The following CREBBP variants were observed in gnomAD, a reference collection of about 807,000 sequenced individuals.
CREBBP encodes the protein CREB-binding protein.
A neutral mutation model predicts 265.0 loss-of-function variants in CREBBP; 19 were observed. That is an observed-to-expected ratio of 0.07 (90% confidence interval 0.05 to 0.11). The LOEUF is 0.11. CREBBP is among the 10% of genes least tolerant of loss of function. The pLI is 1.00. For missense variants in CREBBP, 2,525 were observed against 3,219.0 expected (o/e 0.78, Z 5.22); for synonymous variants, 1,457 against 1,223.7 (o/e 1.19, Z -3.98).
intron 2 of CREBBP, among the ~76,000 whole-genome samples, chr16:3,838,756 C>T (rs1166416246): frequency 6.6e-6 from 1 of 152,062 alleles, no homozygotes; most frequent in Non-Finnish European, 1.5e-5. Flanking sequence ...GATCTGTTGC[C>T]CGGGCTGGTG....
chr16:3,818,032 C>T (rs1182205236), intron 2 of CREBBP, among the ~76,000 whole-genome samples: 1 of 152,164 alleles, frequency 6.6e-6, no homozygotes, highest in Non-Finnish European at 1.5e-5. Flanking sequence ...CTTCCAGAGA[C>T]ATCAACCACT....
At chr16:3,812,389 A>G (rs904780611) in intron 2 of CREBBP, among the ~76,000 whole-genome samples, 8 of 151,704 alleles carry the variant, frequency 5.3e-5, no homozygotes, top group East Asian at 3.9e-4. Flanking sequence ...ATGTTGGCCA[A>G]GCTGGTCTTG....
rs2151319358 is a variant in CREBBP at position 3,731,865 on chromosome 16, T to C, written c.4801A>G (p.Ser1601Gly). 1 of 1,614,264 alleles carries C rather than the reference T, an allele frequency of 6.2e-7. No homozygotes were observed. Among genetic ancestry groups the C allele is most frequent in the Non-Finnish European group, 8.5e-7 (1 of 1,180,046 alleles). Residue 1601 changes from serine (S) to glycine (G), a missense_variant, in exon 29 of 31, where the codon AGC becomes GGC. Around this residue, in one of 19 missense-constraint regions of CREBBP, gnomAD observed 93 missense variants for 161.5 expected, o/e 0.58. Transcript: ENST00000262367. The surrounding 1 kb of genome is among the most constrained non-coding windows in gnomAD (Gnocchi z 7.7). ...CTGGGCTTCTTCTTGTTGGCGCGGC[T>C]GATGCTGCTTTTGTTCTTGTTGGTT... ...KKTNKNKSSI[S>G]RANKKKPSMP... is the part of the protein sequence containing the mutation.
rs1010907824 is a variant in CREBBP, at chr16:3,744,834, C to T, written c.3982+60G>A. 7 of 1,296,032 alleles carry T rather than the reference C, an allele frequency of 5.4e-6. No homozygotes were observed. The African/African-American group carries it at 5.8e-5, about 11-fold the overall frequency. The allele number at this position is 1,296,032 out of a possible 1,614,324, so 80.3% of individuals were successfully genotyped here. ...GAGAGGAACCAAAGAACAATGGGGA[C>T]AATTTCTACAAGTTTCTAAAATGTG... is the stretch of plus-strand genomic sequence containing the variant. On this transcript the variant is annotated intron_variant, in intron 23 of 30. Coordinates refer to ENST00000262367, the MANE Select transcript of CREBBP (RefSeq NM_004380.3).
In CREBBP at chr16:3,726,142, G is replaced by A. The variant is rs562939791; in HGVS notation, c.*1576C>T. On this transcript the variant is annotated 3_prime_UTR_variant, in exon 31 of 31. Coordinates refer to ENST00000262367, the MANE Select transcript of CREBBP (RefSeq NM_004380.3). ...CTCAGCATTTCCTCAAACGCCACAC[G>A]GGACATGCTGCGCGGCAGCGGCAGG... 42 of 233,146 alleles carry A rather than the reference G, an allele frequency of 1.8e-4. No individual in the cohort carries two copies. The highest frequency in any genetic ancestry group is 1.4e-4 in the Non-Finnish European group (16 of 118,024). 14.4% of individuals were successfully genotyped at this position (233,146 alleles called of 1,614,324 possible). A position where few individuals can be genotyped will look rare whatever the true frequency, so the allele number is the denominator to read the frequency against.
chr16:3,782,588 C>A, intron 6 of CREBBP, 96 bp downstream of exon 6: 1 of 1,513,120 alleles, frequency 6.6e-7, no homozygotes. Flanking sequence ...TAGTAAAAAA[C>A]ACAAAACAAA....
chr16:3,852,890 A>G (rs1241451345), intron 1 of CREBBP, among the ~76,000 whole-genome samples: 2 of 151,970 alleles, frequency 1.3e-5, no homozygotes, highest in Non-Finnish European at 2.9e-5. Flanking sequence ...TCTAACCCAC[A>G]ACGGCCAGGC....
At chr16:3,820,042 A>C (rs989107559) in intron 2 of CREBBP, among the ~76,000 whole-genome samples, 13 of 152,330 alleles carry the variant, frequency 8.5e-5, no homozygotes, top group African/African-American at 2.9e-4. Context: ...GGTGTAAAAA[A>C]ACAACACAGT....
At chr16:3,761,797 T>C (rs2052725457) in intron 16 of CREBBP, among the ~76,000 whole-genome samples, 1 of 152,260 alleles carries the variant, frequency 6.6e-6, no homozygotes, top group African/African-American at 2.4e-5. Context: ...TACTAACTCC[T>C]TTCTTCTGTT....
In CREBBP at chr16:3,782,809, C is replaced by T. The variant is rs2053303819; in HGVS notation, c.1448G>A (p.Arg483Gln). 1 of 1,614,086 alleles carries T rather than the reference C, an allele frequency of 6.2e-7. No homozygotes were observed. The highest frequency in any genetic ancestry group is 1.3e-5 in the African/African-American group (1 of 75,020). ...GGGGAGTCCGAGAGCAGCATAGGCT[C>T]GCTGCATGGAGCTGGGGTCTATGGG... Reference protein sequence around the residue: ...PNPIDPSSMQRAYAALGLPYM... With the variant: ...PNPIDPSSMQQAYAALGLPYM... The change falls in exon 6 of 31, where the codon CGA (arginine) becomes CAA (glutamine). Residue 483 changes from arginine to glutamine, a missense_variant. This residue lies in a region of CREBBP where 48 missense variants were observed against 70.2 expected (regional missense o/e 0.68). Transcript: ENST00000262367.
At chr16:3,770,542 CA>C in intron 14 of CREBBP, 27 bp downstream of exon 14, 3 of 1,609,624 alleles carry the variant, frequency 1.9e-6, no homozygotes. Flanking sequence ...AGTCTTGGCC[CA>C]AAAACAGCAG....
At chr16:3,783,342 C>A (rs1203684183) in intron 5 of CREBBP, among the ~76,000 whole-genome samples, 1 of 152,192 alleles carries the variant, frequency 6.6e-6, no homozygotes, top group East Asian at 1.9e-4. Context: ...TCCTGTTGAC[C>A]CCAACCCTGT....
At chr16:3,862,723 C>T (rs1232219265) in intron 1 of CREBBP, among the ~76,000 whole-genome samples, 1 of 152,058 alleles carries the variant, frequency 6.6e-6, no homozygotes, top group African/African-American at 2.4e-5. Flanking sequence ...TCGTACCTAC[C>T]GAGGGGCTCC....
chr16:3,796,303 C>T (rs1258673013), intron 3 of CREBBP, among the ~76,000 whole-genome samples: 1 of 152,008 alleles, frequency 6.6e-6, no homozygotes, highest in Non-Finnish European at 1.5e-5. Context: ...CCCAGGCTGG[C>T]CTCCTGGGCT....
rs1039371162 is a variant in CREBBP at position 3,780,867 on chromosome 16, T to C, written c.1688A>G (p.Asn563Ser). 1 of 1,613,522 alleles carries C rather than the reference T, an allele frequency of 6.2e-7. No homozygotes were observed. Among genetic ancestry groups the C allele is most frequent in the Non-Finnish European group, 8.5e-7 (1 of 1,180,024 alleles). ...TSLGATNPLMNDGSNSGNIGT... is the reference protein window; with the variant it reads ...TSLGATNPLMSDGSNSGNIGT... ...AATGTTACCAGAGTTGGAGCCATCG[T>C]TCATCAGTGGGCTAAGGAGGAAATA... Residue 563 changes from asparagine to serine, a missense_variant, in exon 8 of 31, where the codon AAC becomes AGC. By Grantham distance (46) the Asn-to-Ser change is conservative. Around this residue, in one of 19 missense-constraint regions of CREBBP, gnomAD observed 144 missense variants for 134.0 expected, o/e 1.07. Coordinates refer to ENST00000262367, the MANE Select transcript of CREBBP (RefSeq NM_004380.3).
In CREBBP at chr16:3,864,829, G is replaced by A. The variant is rs2055144964; in HGVS notation, c.86-13820C>T. 2.0e-5 allele frequency among the ~76,000 whole-genome samples: 3 copies of A among 152,144 alleles called. No individual in the cohort carries two copies. In the South Asian group the frequency reaches 6.2e-4, roughly 31 times the overall value. Reference sequence around the variant, plus strand: ...CACCTGTAATCCCAGCACTGTGGGAGGCCAAGGCAGGCAGGTCACCTGAGG... The same window carrying A: ...CACCTGTAATCCCAGCACTGTGGGAAGCCAAGGCAGGCAGGTCACCTGAGG... On this transcript the variant is annotated intron_variant, in intron 1 of 30. Transcript: ENST00000262367.
intron 1 of CREBBP, among the ~76,000 whole-genome samples, chr16:3,861,758 C>CTTT (rs200213588): frequency 7.3e-6 from 1 of 136,872 alleles, no homozygotes; most frequent in Non-Finnish European, 1.6e-5. Flanking sequence ...AGACATCTAA[C>CTTT]TTTTTTTTTT....
intron 2 of CREBBP, among the ~76,000 whole-genome samples, chr16:3,829,565 G>C (rs1426966041): frequency 1.3e-5 from 2 of 152,160 alleles, no homozygotes; most frequent in Non-Finnish European, 2.9e-5. Context: ...TCAAGATCTT[G>C]CTGAACATCC....
At chr16:3,749,467 A>G (rs575638761) in intron 21 of CREBBP, among the ~76,000 whole-genome samples, 160 bp downstream of exon 21, 8 of 152,354 alleles carry the variant, frequency 5.3e-5, no homozygotes, top group African/African-American at 1.9e-4. Flanking sequence ...ATTTTGTTTA[A>G]GTTTAAAAGA....
Sources: allele counts gnomAD v4.1 joint callset (sites outside exome capture counted in the v4.1 genomes callset), GRCh38; gene constraint gnomAD v4.1.1; regional missense constraint gnomAD v4.1.1; non-coding constraint Gnocchi (gnomAD v3.1); transcripts MANE v1.5; gene names NCBI Gene and HGNC (gene_info 2026-07-23, HGNC 2026-07-21).